LRBA: variants seen among roughly 807,000 people sequenced by gnomAD.
The protein encoded by LRBA is LPS responsive beige-like anchor protein.
In LRBA, 176 loss-of-function variants were observed where a neutral mutation model predicts 330.0. The ratio of observed to expected loss-of-function variants is 0.53; its 90% CI spans 0.47 to 0.60. The LOEUF is 0.60. Ranked by LOEUF, LRBA falls within the 20% of genes least tolerant of loss-of-function variation. The pLI is 0.00. For missense variants in LRBA, 3,259 were observed against 3,444.8 expected (o/e 0.95, Z 1.35); for synonymous variants, 1,230 against 1,193.0 (o/e 1.03, Z -0.64).
intron 40 of LRBA, among the ~76,000 whole-genome samples, chr4:150,577,277 T>A (rs1035286605): frequency 5.9e-5 from 9 of 152,158 alleles, no homozygotes; most frequent in African/African-American, 1.9e-4. Flanking sequence ...TTTCATCAAC[T>A]AGAATACACT....
chr4:150,320,843 T>C (rs1732403731), intron 50 of LRBA, among the ~76,000 whole-genome samples: 1 of 152,108 alleles, frequency 6.6e-6, no homozygotes, highest in Non-Finnish European at 1.5e-5. Flanking sequence ...CCCAAGTGTT[T>C]ATTAAGTAAA....
intron 2 of LRBA, among the ~76,000 whole-genome samples, chr4:150,944,107 C>T (rs1472005716): frequency 1.3e-5 from 2 of 152,170 alleles, no homozygotes; most frequent in Admixed American, 6.5e-5. Context: ...AATGCAACCT[C>T]GTGACAGACC....
At chr4:150,712,235 T>C (rs766218923) in intron 36 of LRBA, among the ~76,000 whole-genome samples, 5 of 152,230 alleles carry the variant, frequency 3.3e-5, no homozygotes, top group African/African-American at 4.8e-5. Context: ...AATGAATCAA[T>C]GTATACCTGA....
At chr4:150,706,140 A>C (rs1464655370) in intron 36 of LRBA, among the ~76,000 whole-genome samples, 1 of 151,982 alleles carries the variant, frequency 6.6e-6, no homozygotes, top group Non-Finnish European at 1.5e-5. Context: ...AAGAAATTCA[A>C]AAGGGCAATA....
At chr4:150,884,385 C>G (rs770776427) in intron 17 of LRBA, among the ~76,000 whole-genome samples, 3 of 152,090 alleles carry the variant, frequency 2.0e-5, no homozygotes, top group Non-Finnish European at 4.4e-5. Flanking sequence ...GAGAAAGTAC[C>G]TATATCCAGG....
chr4:150,515,938 T>C (rs1364235785), intron 40 of LRBA, among the ~76,000 whole-genome samples: 2 of 152,050 alleles, frequency 1.3e-5, no homozygotes, highest in Admixed American at 6.5e-5. Flanking sequence ...CAAAAAACTT[T>C]TATAATAGTA....
At chr4:151,014,375 T>C in intron 2 of LRBA, 52 bp downstream of exon 2, 1 of 1,462,178 alleles carries the variant, frequency 6.8e-7, no homozygotes, top group Non-Finnish European at 9.5e-7. Context: ...TAAGATCTTG[T>C]TCCCCAACCC....
chr4:150,495,575 T>C (rs1334184560), intron 40 of LRBA, among the ~76,000 whole-genome samples: 1 of 152,178 alleles, frequency 6.6e-6, no homozygotes, highest in Non-Finnish European at 1.5e-5. Flanking sequence ...TATATAATAA[T>C]ATTTCTTTAA....
chr4:150,582,768 A>G (rs1277863197), intron 40 of LRBA: 3 of 427,328 alleles, frequency 7.0e-6, no homozygotes, highest in East Asian at 7.2e-5. Context: ...AGGTTCCAAG[A>G]GGTACTTTTC....
chr4:150,897,829 A>T lies in LRBA; in HGVS notation c.1925-11T>A. On this transcript the variant is annotated splice_polypyrimidine_tract_variant and intron_variant, in intron 14 of 56. Coordinates refer to ENST00000651943, the MANE Select transcript of LRBA (RefSeq NM_001364905.1). ...TAGGTCGCGGTCCATCTTTTAAAAAAATATACACATACACATTTAGTATTT... is the reference window on the plus strand; with the variant it reads ...TAGGTCGCGGTCCATCTTTTAAAAATATATACACATACACATTTAGTATTT... 6.4e-7 allele frequency: 1 copy of T among 1,568,062 alleles called. No individual in the cohort carries two copies. The highest frequency in any genetic ancestry group is 8.8e-7 in the Non-Finnish European group (1 of 1,139,584).
At chr4:150,902,368 C>CTT (rs992802200) in intron 13 of LRBA, among the ~76,000 whole-genome samples, 1 of 151,274 alleles carries the variant, frequency 6.6e-6, no homozygotes, top group African/African-American at 2.4e-5. Context: ...AAAAACTTTT[C>CTT]TTTTTTTTTA....
chr4:150,467,559 A>T, intron 44 of LRBA, 114 bp downstream of exon 44: 1 of 588,652 alleles, frequency 1.7e-6, no homozygotes, highest in Non-Finnish European at 3.0e-6. Context: ...TAATTATATT[A>T]AAGGTACGAC....
At chr4:150,327,064 G>A (rs1260082715) in intron 48 of LRBA, among the ~76,000 whole-genome samples, 1 of 152,092 alleles carries the variant, frequency 6.6e-6, no homozygotes, top group Non-Finnish European at 1.5e-5. Flanking sequence ...CAAAGAAGGA[G>A]GTAGCAACAC....
At chr4:150,684,858 T>G (rs1458940775) in intron 36 of LRBA, among the ~76,000 whole-genome samples, 1 of 152,110 alleles carries the variant, frequency 6.6e-6, no homozygotes, top group African/African-American at 2.4e-5. Context: ...TCCTACAGTA[T>G]ACCAGTTTCG....
chr4:150,698,212 C>T (rs936363646), intron 36 of LRBA, among the ~76,000 whole-genome samples: 1 of 152,014 alleles, frequency 6.6e-6, no homozygotes, highest in African/African-American at 2.4e-5. Flanking sequence ...ATAAAATACA[C>T]TGTAAAGATT....
At chr4:150,684,573 T>C (rs924163652) in intron 36 of LRBA, among the ~76,000 whole-genome samples, 11 of 152,206 alleles carry the variant, frequency 7.2e-5, no homozygotes, top group African/African-American at 2.7e-4. Context: ...AGTAATCAGA[T>C]ACACTATAAT....
chr4:150,876,427 C>G (rs754142663), intron 17 of LRBA, among the ~76,000 whole-genome samples: 1 of 150,312 alleles, frequency 6.7e-6, no homozygotes, highest in Non-Finnish European at 1.5e-5. Flanking sequence ...TGCCCAAGAT[C>G]AATATTAAAG....
intron 40 of LRBA, among the ~76,000 whole-genome samples, chr4:150,530,634 C>T (rs1484365685): frequency 1.3e-5 from 2 of 152,130 alleles, no homozygotes; most frequent in Non-Finnish European, 2.9e-5. Flanking sequence ...AGGAGCCCAT[C>T]ATTGTTTCCC....
intron 40 of LRBA, among the ~76,000 whole-genome samples, chr4:150,545,452 T>G (rs1765752427): frequency 6.6e-6 from 1 of 152,148 alleles, no homozygotes; most frequent in Admixed American, 6.5e-5. Flanking sequence ...TTTTACTTAT[T>G]GCACTTTAGA....
Sources: allele counts gnomAD v4.1 joint callset (sites outside exome capture counted in the v4.1 genomes callset), GRCh38; gene constraint gnomAD v4.1.1; transcripts MANE v1.5; gene names NCBI Gene and HGNC (gene_info 2026-07-23, HGNC 2026-07-21).